MYO16: variants seen among roughly 807,000 people sequenced by gnomAD.
MYO16 encodes the protein myosin XVI, also known as unconventional myosin-XVI.
A neutral mutation model predicts 205.3 loss-of-function variants in MYO16; 94 were observed. The ratio of observed to expected loss-of-function variants is 0.46; its 90% CI spans 0.39 to 0.54. The LOEUF (loss-of-function observed/expected upper bound fraction) is 0.54, where lower values mean the gene tolerates loss of function less well. Among genes scored for constraint, MYO16 ranks in the 20% least tolerant of loss-of-function variants. The probability of loss-of-function intolerance (pLI) is 0.00; values close to 1 mark genes in which losing one functional copy is unlikely to be tolerated. For missense variants in MYO16, 2,315 were observed against 2,387.5 expected, an observed-to-expected ratio of 0.97 and a Z score of 0.63; for synonymous variants, 988 against 954.0, an observed-to-expected ratio of 1.04 and a Z score of -0.66.
At chr13:108,621,050 C>A (rs956799111) in intron 1 of MYO16, among the ~76,000 whole-genome samples, 1 of 152,124 alleles carries the variant, frequency 6.6e-6, no homozygotes, top group African/African-American at 2.4e-5. Context: ...GAAGATACCA[C>A]ACACCTCTCT....
At chr13:108,962,963 C>A (rs1250941878) in intron 19 of MYO16, among the ~76,000 whole-genome samples, 1 of 152,212 alleles carries the variant, frequency 6.6e-6, no homozygotes, top group Non-Finnish European at 1.5e-5. Context: ...TTACTATTTC[C>A]ATTTTAACAG....
chr13:109,102,579 G>A (rs1378586541), intron 28 of MYO16, among the ~76,000 whole-genome samples: 1 of 151,932 alleles, frequency 6.6e-6, no homozygotes, highest in East Asian at 1.9e-4. Context: ...ATTTTTATTT[G>A]TAGAAGAAAG....
chr13:108,539,523 T>C, the MYO16 span, among the ~76,000 whole-genome samples: 1 of 152,164 alleles, frequency 6.6e-6, no homozygotes, highest in Non-Finnish European at 1.5e-5. Context: ...TGAACCTCCC[T>C]GTGGGACAAA....
At chr13:108,662,955 G>T (rs954537221) in intron 1 of MYO16, among the ~76,000 whole-genome samples, 1 of 152,082 alleles carries the variant, frequency 6.6e-6, no homozygotes, top group African/African-American at 2.4e-5. Context: ...CATGTATTTT[G>T]CTCAGCCCTC....
At chr13:108,821,463 C>G (rs1188769787) in intron 8 of MYO16, among the ~76,000 whole-genome samples, 1 of 152,128 alleles carries the variant, frequency 6.6e-6, no homozygotes, top group Admixed American at 6.6e-5. Context: ...TATTAGTATG[C>G]TAATGATAAA....
At chr13:108,737,223 A>C (rs1008070050) in intron 4 of MYO16, among the ~76,000 whole-genome samples, 2 of 152,182 alleles carry the variant, frequency 1.3e-5, no homozygotes, top group Non-Finnish European at 2.9e-5. Context: ...GCCAGTTTTT[A>C]AAGGGAATGC....
At chr13:108,978,384 C>G (rs924053108) in intron 20 of MYO16, among the ~76,000 whole-genome samples, 1 of 152,030 alleles carries the variant, frequency 6.6e-6, no homozygotes, top group African/African-American at 2.4e-5. Flanking sequence ...TTAAGTAATA[C>G]ATTTACTTAG....
At chr13:108,633,682 G>A (rs1880089755) in intron 1 of MYO16, among the ~76,000 whole-genome samples, 1 of 152,174 alleles carries the variant, frequency 6.6e-6, no homozygotes, top group East Asian at 1.9e-4. Context: ...TTGACACTGA[G>A]TATTAATGAT....
intron 20 of MYO16, among the ~76,000 whole-genome samples, chr13:108,991,975 A>G (rs188562629): frequency 0.011 from 1,618 of 152,308 alleles, 13 homozygotes; most frequent in Admixed American, 0.022. Flanking sequence ...GGTTTGTTAC[A>G]TAGGTAAACT....
At chr13:108,674,235 A>T (rs1882109031) in intron 2 of MYO16, among the ~76,000 whole-genome samples, 1 of 152,202 alleles carries the variant, frequency 6.6e-6, no homozygotes, top group Admixed American at 6.5e-5. Context: ...TAAAAAAGTG[A>T]AATAAGACTG....
At chr13:109,124,698 T>C (rs1448238714) in intron 29 of MYO16, among the ~76,000 whole-genome samples, 1 of 152,214 alleles carries the variant, frequency 6.6e-6, no homozygotes, top group Non-Finnish European at 1.5e-5. Context: ...AATATATGCA[T>C]GATATTTCCA....
chr13:108,594,970 C>T (rs1338028842), upstream of MYO16, among the ~76,000 whole-genome samples: 2 of 152,124 alleles, frequency 1.3e-5, no homozygotes, highest in Admixed American at 1.3e-4. Flanking sequence ...TTATGGATAA[C>T]TTTTGCTGAA....
At chr13:108,961,379 G>A (rs1883572980) in intron 17 of MYO16, among the ~76,000 whole-genome samples, 160 bp from the exon 18 acceptor site, 1 of 152,148 alleles carries the variant, frequency 6.6e-6, no homozygotes, top group Non-Finnish European at 1.5e-5. Flanking sequence ...GGTAGAGACT[G>A]GTAGTTTTCT....
At chr13:108,962,299 T>A (rs985585456) in intron 18 of MYO16, 125 bp from the exon 19 acceptor site, 6 of 698,758 alleles carry the variant, frequency 8.6e-6, no homozygotes, top group African/African-American at 1.8e-5. Flanking sequence ...TGGTAATGAC[T>A]TTTTAAAATA....
the MYO16 span, among the ~76,000 whole-genome samples, chr13:108,523,628 C>T: frequency 6.6e-6 from 1 of 152,196 alleles, no homozygotes; most frequent in African/African-American, 2.4e-5. Flanking sequence ...CTCCCTTTCT[C>T]ATGTCAGCAT....
intron 4 of MYO16, among the ~76,000 whole-genome samples, chr13:108,738,971 T>C (rs1246492893): frequency 6.6e-6 from 1 of 152,196 alleles, no homozygotes; most frequent in Non-Finnish European, 1.5e-5. Context: ...CCTGCCTTTT[T>C]TTGTTTTCCA....
intron 15 of MYO16, among the ~76,000 whole-genome samples, chr13:108,906,148 C>A (rs1251597028): frequency 6.6e-6 from 1 of 152,084 alleles, no homozygotes; most frequent in African/African-American, 2.4e-5. Flanking sequence ...TCACTGTTTT[C>A]TTTTTCTTTC....
chr13:108,590,387 T>C, the MYO16 span, among the ~76,000 whole-genome samples: 1 of 152,190 alleles, frequency 6.6e-6, no homozygotes, highest in Non-Finnish European at 1.5e-5. Flanking sequence ...TAATTTTGAC[T>C]TCCTCTGGTG....
At chr13:108,508,253 G>GAAA in the MYO16 span, among the ~76,000 whole-genome samples, 3 of 144,904 alleles carry the variant, frequency 2.1e-5, no homozygotes, top group Admixed American at 2.1e-4. Context: ...TTGGGCATTT[G>GAAA]AAAAAAAAAA....
Sources: gnomAD v4.1 joint callset for allele counts (sites outside exome capture counted in the v4.1 genomes callset) on GRCh38, gnomAD v4.1.1 for gene constraint, MANE v1.5 for transcripts, NCBI Gene and HGNC (gene_info 2026-07-23, HGNC 2026-07-21) for gene names.